Variants in C13orf46 observed in about 807,000 individuals in gnomAD.
The protein encoded by C13orf46 is uncharacterized protein C13orf46.
At position 113,955,535 on chromosome 13, in the gene C13orf46, CGAGGAGCATCTCGTGGAGAG is replaced by C. The variant is rs1435378810; in HGVS notation, c.*1218_*1237del. ...GGAGCGGAGGAGCATCTGGCGGAGA[CGAGGAGCATCTCGTGGAGAG>C]GAGGAGCATCTCGTGGAGAGGAGGA... On this transcript the variant is annotated 3_prime_UTR_variant, in exon 7 of 7. Transcript: ENST00000636427. The C allele has an allele frequency of 0.55, 60,815 of 110,728 alleles. 15,728 individuals are homozygous for C. Among genetic ancestry groups the C allele is most frequent in the Non-Finnish European group, 0.61 (33,447 of 54,868 alleles). 6.9% of individuals were successfully genotyped at this position (110,728 alleles called of 1,614,324 possible). A position where few individuals can be genotyped will look rare whatever the true frequency, so the allele number is the denominator to read the frequency against.
chr13:113,950,704 C>A (rs887811561), downstream of C13orf46, among the ~76,000 whole-genome samples: 82 of 152,344 alleles, frequency 5.4e-4, no homozygotes, highest in Non-Finnish European at 1.0e-3. Context: ...CTGGCCCCGC[C>A]TCTCCTGCAG....
intron 5 of C13orf46, among the ~76,000 whole-genome samples, chr13:113,965,881 GTGGTAA>G (rs1490471348): frequency 7.9e-6 from 1 of 125,886 alleles, no homozygotes; most frequent in African/African-American, 3.0e-5. Flanking sequence ...GGTGATGATG[GTGGTAA>G]TGGTGATGGT....
At chr13:113,936,058 C>T in the C13orf46 span, among the ~76,000 whole-genome samples, 5 of 152,186 alleles carry the variant, frequency 3.3e-5, no homozygotes, top group African/African-American at 4.8e-5. Flanking sequence ...TACATGTAAC[C>T]GATTTTCATC....
At chr13:113,953,530 C>A (rs1273031210), downstream of C13orf46, among the ~76,000 whole-genome samples, 4 of 152,082 alleles carry the variant, frequency 2.6e-5, no homozygotes, top group African/African-American at 9.7e-5. Context: ...GAGCTCAGAG[C>A]CCAACAGAAG....
At chr13:113,953,374 C>T (rs930301273), downstream of C13orf46, among the ~76,000 whole-genome samples, 9 of 152,286 alleles carry the variant, frequency 5.9e-5, no homozygotes, top group Non-Finnish European at 1.0e-4. Context: ...CTTTACCCCC[C>T]GTGGCAACAA....
the C13orf46 span, chr13:113,928,745 A>C: frequency 6.6e-6 from 1 of 152,420 alleles, no homozygotes; most frequent in Non-Finnish European, 1.5e-5. Flanking sequence ...ATAAACCAGG[A>C]GGCCTGGCTC....
chr13:113,952,069 C>G (rs1333666101), downstream of C13orf46, among the ~76,000 whole-genome samples: 2 of 152,220 alleles, frequency 1.3e-5, no homozygotes, highest in Non-Finnish European at 2.9e-5. Context: ...CCCAAGGAAC[C>G]AGAACGTTGA....
the C13orf46 span, chr13:113,928,683 G>GA: frequency 1.3e-5 from 2 of 152,492 alleles, no homozygotes; most frequent in African/African-American, 4.8e-5. Flanking sequence ...AGTCACAGGT[G>GA]CTGACATGGA....
intron 1 of C13orf46, 158 bp from the exon 2 acceptor site, chr13:113,970,380 C>T (rs959348069): frequency 6.6e-6 from 1 of 152,352 alleles, no homozygotes; most frequent in African/African-American, 2.4e-5. Flanking sequence ...CATGCCCGGC[C>T]CTCCGGTATT....
intron 2 of C13orf46, among the ~76,000 whole-genome samples, chr13:113,969,416 C>G (rs2052680992): frequency 1.3e-5 from 2 of 152,246 alleles, no homozygotes; most frequent in Non-Finnish European, 1.5e-5. Flanking sequence ...CTTCCCTGAG[C>G]TCTACGGAGT....
intron 6 of C13orf46, among the ~76,000 whole-genome samples, chr13:113,959,686 A>C (rs1372231246): frequency 1.3e-5 from 2 of 152,220 alleles, no homozygotes; most frequent in African/African-American, 4.8e-5. Context: ...ATTTTAAACC[A>C]ATGAGCAAAT....
chr13:113,942,644 C>G, the C13orf46 span, among the ~76,000 whole-genome samples: 9 of 152,164 alleles, frequency 5.9e-5, no homozygotes, highest in Admixed American at 2.0e-4. Context: ...ACAAGGATGG[C>G]CAGAGCTGAC....
intron 6 of C13orf46, among the ~76,000 whole-genome samples, chr13:113,961,195 A>C (rs895318273): frequency 1.3e-5 from 2 of 152,232 alleles, no homozygotes; most frequent in Non-Finnish European, 2.9e-5. Context: ...GTAAAACTCT[A>C]TGGGTAGCAT....
the C13orf46 span, among the ~76,000 whole-genome samples, chr13:113,936,766 C>T: frequency 2.0e-5 from 3 of 151,862 alleles, no homozygotes; most frequent in Non-Finnish European, 2.9e-5. Flanking sequence ...CCTTGTGCCC[C>T]GAGTCGCTTC....
chr13:113,946,343 T>C, the C13orf46 span, among the ~76,000 whole-genome samples: 23,514 of 152,186 alleles, frequency 0.15, 2,198 homozygotes, highest in Non-Finnish European at 0.2. Flanking sequence ...TGGAACAGGG[T>C]TTCCCAGGAC....
chr13:113,973,182 C>T lies in C13orf46; in HGVS notation c.190+626G>A, dbSNP rs574511975. ...AAACAAGAGCTGCAGAGATAAACGG[C>T]CACAGGCCTCCCTCATCATTCACCC... is the stretch of plus-strand genomic sequence containing the variant. On this transcript the variant is annotated intron_variant, in intron 1 of 6. Transcript: ENST00000636427. Among the ~76,000 whole-genome samples, 13 of 152,348 alleles carry T rather than the reference C, an allele frequency of 8.5e-5. No homozygotes were observed. In the East Asian group the frequency reaches 2.5e-3, roughly 29 times the overall value.
the C13orf46 span, among the ~76,000 whole-genome samples, chr13:113,936,362 G>A: frequency 1.3e-5 from 2 of 152,222 alleles, no homozygotes; most frequent in Non-Finnish European, 2.9e-5. Context: ...GGAGCTGACC[G>A]GCTATGGGGA....
chr13:113,957,449 T>C (rs2052546862), intron 6 of C13orf46, among the ~76,000 whole-genome samples: 4 of 122,014 alleles, frequency 3.3e-5, no homozygotes, highest in South Asian at 2.9e-4. Flanking sequence ...CCCTGCACTC[T>C]GCCTGCACCC....
At chr13:113,939,897 G>A in the C13orf46 span, among the ~76,000 whole-genome samples, 1 of 152,222 alleles carries the variant, frequency 6.6e-6, no homozygotes, top group Non-Finnish European at 1.5e-5. Context: ...AAAAACACTG[G>A]CCTGGGTCAT....
Sources: allele counts gnomAD v4.1 joint callset (sites outside exome capture counted in the v4.1 genomes callset), GRCh38; gene constraint gnomAD v4.1.1; transcripts MANE v1.5; gene names NCBI Gene and HGNC (gene_info 2026-07-23, HGNC 2026-07-21).